The following NPHS1 variants were observed in gnomAD, a reference collection of about 807,000 sequenced individuals.
NPHS1 encodes the protein nephrin.
In NPHS1, 107 loss-of-function variants were observed where a neutral mutation model predicts 139.7. The observed-to-expected ratio is 0.77, with a 90% CI of 0.66 to 0.90. NPHS1 has a LOEUF of 0.90. Ranked by LOEUF, NPHS1 falls within the 40% of genes least tolerant of loss-of-function variation. The pLI, the probability that NPHS1 is intolerant of heterozygous loss-of-function variation, is 0.00. For missense variants in NPHS1, 1,580 were observed against 1,654.2 expected (o/e 0.96, Z 0.78); for synonymous variants, 707 against 706.6 (o/e 1.00, Z -0.01).
intron 28 of NPHS1, among the ~76,000 whole-genome samples, chr19:35,827,705 G>A (rs967285346): frequency 6.6e-6 from 1 of 152,154 alleles, no homozygotes; most frequent in Admixed American, 6.5e-5. Flanking sequence ...GATCACTTGA[G>A]ATCAGGATTC....
rs1973183824 is a variant in NPHS1, at chr19:35,848,797, G to A, written c.1013-3C>T. On this transcript the variant is annotated splice_region_variant and splice_polypyrimidine_tract_variant and intron_variant, in intron 8 of 28. Transcript: ENST00000378910. ...GATAATAATGGCACTAGGGGGAACTGCAGGGACAGAGAAGGAAGACACTAA... is the reference window on the plus strand; with the variant it reads ...GATAATAATGGCACTAGGGGGAACTACAGGGACAGAGAAGGAAGACACTAA... 6.2e-7 allele frequency: 1 copy of A among 1,614,094 alleles called. No individual in the cohort carries two copies. The highest frequency in any genetic ancestry group is 8.5e-7 in the Non-Finnish European group (1 of 1,180,038).
rs557976553 is a variant in NPHS1, at chr19:35,844,406, C to T, written c.1984G>A (p.Gly662Ser). Reference sequence around the variant, plus strand: ...ACGGACACGGGCAGCAACGCCTCGCCCTGCTCCACCGCGGTCACCACCAGC... The same window carrying T: ...ACGGACACGGGCAGCAACGCCTCGCTCTGCTCCACCGCGGTCACCACCAGC... ...QVLVVTAVEQ[G>S]EALLPVSVSA... The change falls in exon 15 of 29, where the codon GGC becomes AGC. Residue 662 changes from glycine (G) to serine (S), a missense_variant. By Grantham distance (56) the Gly-to-Ser change is moderately conservative. Coordinates refer to ENST00000378910, the MANE Select transcript of NPHS1 (RefSeq NM_004646.4). 1.9e-6 allele frequency: 3 copies of T among 1,608,130 alleles called. No homozygotes were observed. The highest frequency in any genetic ancestry group is 1.1e-5 in the South Asian group (1 of 90,102).
chr19:35,848,917 C>T lies in NPHS1; in HGVS notation c.1012+59G>A, dbSNP rs1973185546. 1.9e-6 allele frequency: 3 copies of T among 1,610,786 alleles called. No homozygotes were observed. The South Asian group carries it at 3.3e-5, about 18-fold the overall frequency. ...ATCCAGTAGGCATAATTTGGGGGCA[C>T]ACACAGATGGTTCTCTGAGGCACAG... On this transcript the variant is annotated intron_variant, in intron 8 of 28. Transcript: ENST00000378910.
Position 35,839,299 on chromosome 19 carries a change from C to G in NPHS1, c.3047G>C (p.Ser1016Thr), listed in dbSNP as rs367986918. ...STRYRVWLLA[S>T]NALGDSGLAD... ...CAGTCCACTGTCCCCCAAGGCATTA[C>G]TGGCCAGCAGCCAGACCCTGTATCT... The change falls in exon 22 of 29, where the codon AGT (serine) becomes ACT (threonine). Residue 1016 changes from serine to threonine, a missense_variant. Physicochemically the swap from Ser to Thr is moderately conservative, Grantham distance 58 (BLOSUM62 1). Transcript: ENST00000378910. 37 of 1,614,218 alleles carry G rather than the reference C, an allele frequency of 2.3e-5. No homozygotes were observed. Among genetic ancestry groups the G allele is most frequent in the Non-Finnish European group, 3.1e-5 (37 of 1,180,026 alleles).
rs1356259400 is a variant in NPHS1, at chr19:35,848,234, G to T, written c.1315+19C>A. 6.2e-7 allele frequency: 1 copy of T among 1,614,112 alleles called. No homozygotes were observed. Among genetic ancestry groups the T allele is most frequent in the South Asian group, 1.1e-5 (1 of 91,076 alleles). On this transcript the variant is annotated intron_variant, in intron 10 of 28. Coordinates refer to ENST00000378910, the MANE Select transcript of NPHS1 (RefSeq NM_004646.4). ...GTCCTGAGGCTTGGGGGCATTGCTG[G>T]GCCAGGGCAGGGGCTCACATTTTAC...
At chr19:35,835,616 C>T in intron 23 of NPHS1, 89 bp downstream of exon 23, 1 of 1,192,696 alleles carries the variant, frequency 8.4e-7, no homozygotes, top group Non-Finnish European at 1.3e-6. Context: ...CGTTAAGCAG[C>T]TGTGACTACA....
At chr19:35,835,935 C>A (rs980680986) in intron 22 of NPHS1, among the ~76,000 whole-genome samples, 174 bp from the exon 23 acceptor site, 2 of 149,198 alleles carry the variant, frequency 1.3e-5, no homozygotes, top group East Asian at 4.0e-4. Flanking sequence ...CTATTAATAG[C>A]AATTCTAATG....
chr19:35,833,739 C>T (rs1242401644), intron 23 of NPHS1, among the ~76,000 whole-genome samples: 1 of 152,078 alleles, frequency 6.6e-6, no homozygotes, highest in African/African-American at 2.4e-5. Context: ...CTCTGTTGCC[C>T]AGGCTGCAGT....
In NPHS1 at chr19:35,846,042, T is replaced by A. The variant is rs1243404045; in HGVS notation, c.1593A>T (p.Gly531=). The A allele has an allele frequency of 9.4e-6, 15 of 1,593,912 alleles. No individual in the cohort carries two copies. The highest frequency in any genetic ancestry group is 1.2e-5 in the Non-Finnish European group (14 of 1,170,582). ...CCAGCTGCGTGGACGCGCTGAGCTG[T>A]CCAGCCTTGCACGTGAACTTGGCCT... ...DNQAKFTCKA[G]QLSASTQLAV... is the part of the protein sequence containing the mutation. Residue 531 remains glycine, a synonymous_variant, in exon 12 of 29, where the codon GGA becomes GGT. Coordinates refer to ENST00000378910, the MANE Select transcript of NPHS1 (RefSeq NM_004646.4).
At chr19:35,847,996 C>A in intron 11 of NPHS1, 45 bp downstream of exon 11, 1 of 1,602,842 alleles carries the variant, frequency 6.2e-7, no homozygotes, top group Non-Finnish European at 8.5e-7. Flanking sequence ...CCTGGTCCTT[C>A]CCCCACATTC....
In NPHS1 at chr19:35,848,313, C is replaced by A. The variant is rs962888148; in HGVS notation, c.1255G>T (p.Ala419Ser). ...TCCTTGGTGAAGGCTTCACTGAAGG[C>A]CTCACATGTGAGGGTCAGACCGTTG... ...EDNGLTLTCE[A>S]FSEAFTKETF... is the part of the protein sequence containing the mutation. Residue 419 changes from alanine (A) to serine (S), a missense_variant, in exon 10 of 29, where the codon GCC becomes TCC. Physicochemically the swap from Ala to Ser is moderately conservative, Grantham distance 99. Coordinates refer to ENST00000378910, the MANE Select transcript of NPHS1 (RefSeq NM_004646.4). 1 of 1,614,130 alleles carries A rather than the reference C, an allele frequency of 6.2e-7. No homozygotes were observed. The highest frequency in any genetic ancestry group is 1.3e-5 in the African/African-American group (1 of 75,032).
intron 17 of NPHS1, 91 bp from the exon 18 acceptor site, chr19:35,842,641 G>T: frequency 1.5e-6 from 2 of 1,302,544 alleles, no homozygotes; most frequent in Non-Finnish European, 2.2e-6. Context: ...CATTCTCCTA[G>T]CCACAATCAC....
Position 35,839,517 on chromosome 19 carries a change from AG to A in NPHS1, c.2905del (p.Leu969CysfsTer32), listed in dbSNP as rs369410355. 6 of 1,613,998 alleles carry A rather than the reference AG, an allele frequency of 3.7e-6. No homozygotes were observed. In the African/African-American group the frequency reaches 8.0e-5, roughly 22 times the overall value. Reference sequence around the variant, plus strand: ...CCACCTGATGCAGAACCTCTGTGGCAGGCCCCCATCAAAGCCAGGCTTCCAC... The same window carrying A: ...CCACCTGATGCAGAACCTCTGTGGCAGCCCCCATCAAAGCCAGGCTTCCAC... ...LEWKPGFDGG[L>X]PQRFCIRYEA... On this transcript the variant is annotated frameshift_variant, in exon 21 of 29. Transcript: ENST00000378910. LOFTEE classifies it high-confidence loss of function.
In NPHS1 at chr19:35,849,577, T is replaced by G; in HGVS notation, c.685A>C (p.Lys229Gln). ...AGAACATTCACGGTGAATGAGGCCT[T>G]GATGGGGGCCTCCAGTGCTGGGCTA... Reference protein sequence around the residue: ...ASSPALEAPIKASFTVNVLFP... With the variant: ...ASSPALEAPIQASFTVNVLFP... Residue 229 changes from lysine to glutamine, a missense_variant, in exon 6 of 29, where the codon AAG becomes CAG. Lys to Gln is a moderately conservative substitution (Grantham distance 53). Coordinates refer to ENST00000378910, the MANE Select transcript of NPHS1 (RefSeq NM_004646.4). The G allele has an allele frequency of 6.2e-7, 1 of 1,613,862 alleles. No homozygotes were observed. The highest frequency in any genetic ancestry group is 2.2e-5 in the East Asian group (1 of 44,882).
chr19:35,845,661 A>C lies in NPHS1; in HGVS notation c.1757+8T>G. The C allele has an allele frequency of 6.2e-7, 1 of 1,612,770 alleles. No homozygotes were observed. The highest frequency in any genetic ancestry group is 8.5e-7 in the Non-Finnish European group (1 of 1,179,494). On this transcript the variant is annotated splice_region_variant and intron_variant, in intron 13 of 28. Transcript: ENST00000378910. The surrounding 1 kb of genome is among the most constrained non-coding windows in gnomAD (Gnocchi z 5.5). ...ACCAGAGAGGGGAGGGATCCCTCGC[A>C]CTCCCACCTCTCCCCTTCCTTGTCC... is the stretch of plus-strand genomic sequence containing the variant.
Position 35,831,626 on chromosome 19 carries a change from G to A in NPHS1, c.3286+17C>T, listed in dbSNP as rs371656519. ...ACCCTCGGGTCTCCACCCTGGCAGG[G>A]AAGGGTCTCTCCTCACCCTCAGCAA... On this transcript the variant is annotated intron_variant, in intron 24 of 28. Coordinates refer to ENST00000378910, the MANE Select transcript of NPHS1 (RefSeq NM_004646.4). 59 of 1,613,116 alleles carry A rather than the reference G, an allele frequency of 3.7e-5. No homozygotes were observed. Among genetic ancestry groups the A allele is most frequent in the Non-Finnish European group, 4.9e-5 (58 of 1,179,680 alleles).
Position 35,838,278 on chromosome 19 carries a change from C to T in NPHS1, c.3109+959G>A, listed in dbSNP as rs140649491. Among the ~76,000 whole-genome samples, 10 of 151,804 alleles carry T rather than the reference C, an allele frequency of 6.6e-5. No homozygotes were observed. In the East Asian group the frequency reaches 1.2e-3, roughly 18 times the overall value. On this transcript the variant is annotated intron_variant, in intron 22 of 28. Transcript: ENST00000378910. ...AACAAACAAACAAAAAGTGGCCAAG[C>T]GTGGTGGCTCACACCTGTAATCTCA... is the stretch of plus-strand genomic sequence containing the variant.
chr19:35,845,426 G>A lies in NPHS1; in HGVS notation c.1872C>T (p.Arg624=). 6.2e-7 allele frequency: 1 copy of A among 1,614,248 alleles called. No homozygotes were observed. Among genetic ancestry groups the A allele is most frequent in the Non-Finnish European group, 8.5e-7 (1 of 1,180,044 alleles). Residue 624 remains arginine (R), a synonymous_variant, in exon 14 of 29, where the codon CGC becomes CGT. Coordinates refer to ENST00000378910, the MANE Select transcript of NPHS1 (RefSeq NM_004646.4). This position sits in a 1 kb window ranked among gnomAD's most constrained non-coding sequence, Gnocchi z 5.5. ...SRDHGQRVTC[R]AHSAELRETV... ...TTTCGCGGAGCTCGGCGCTGTGGGC[G>A]CGGCAGGTCACGCGCTGGCCATGAT...
At chr19:35,850,162 C>T (rs1316566278) in intron 5 of NPHS1, among the ~76,000 whole-genome samples, 1 of 152,154 alleles carries the variant, frequency 6.6e-6, no homozygotes. Context: ...GTGATCCGCC[C>T]ACCTCAGCCT....
Sources: gnomAD v4.1 joint callset for allele counts (sites outside exome capture counted in the v4.1 genomes callset) on GRCh38, gnomAD v4.1.1 for gene constraint, Gnocchi (gnomAD v3.1) non-coding constraint, MANE v1.5 for transcripts, NCBI Gene and HGNC (gene_info 2026-07-23, HGNC 2026-07-21) for gene names.